SORCS1: variants seen among roughly 807,000 people sequenced by gnomAD.
SORCS1 encodes the protein VPS10 domain-containing receptor SorCS1.
A neutral mutation model predicts 146.1 loss-of-function variants in SORCS1; 60 were observed. That is an observed-to-expected ratio of 0.41 (90% confidence interval 0.33 to 0.51). SORCS1 has a LOEUF of 0.51. Ranked by LOEUF, SORCS1 falls within the 20% of genes least tolerant of loss-of-function variation. The pLI, the probability that SORCS1 is intolerant of heterozygous loss-of-function variation, is 0.21. For missense variants in SORCS1, 1,352 were observed against 1,487.6 expected (o/e 0.91, Z 1.50); for synonymous variants, 637 against 584.0 (o/e 1.09, Z -1.31).
At chr10:106,926,968 A>C (rs886361098) in intron 2 of SORCS1, among the ~76,000 whole-genome samples, 3 of 152,170 alleles carry the variant, frequency 2.0e-5, no homozygotes, top group African/African-American at 7.2e-5. Context: ...AAATAAATAG[A>C]AAGAAAAACA....
intron 2 of SORCS1, among the ~76,000 whole-genome samples, chr10:106,864,863 C>T (rs772179616): frequency 2.6e-5 from 4 of 152,108 alleles, no homozygotes; most frequent in African/African-American, 4.8e-5. Context: ...TCTATGAAAA[C>T]GTGACTAGAC....
chr10:106,929,484 T>C (rs1287893946), intron 2 of SORCS1, among the ~76,000 whole-genome samples: 2 of 152,190 alleles, frequency 1.3e-5, no homozygotes, highest in Non-Finnish European at 2.9e-5. Flanking sequence ...TGGCCTTTTA[T>C]AAAAAGAAAA....
chr10:106,786,262 T>G (rs1193804339), intron 3 of SORCS1, among the ~76,000 whole-genome samples: 1 of 152,224 alleles, frequency 6.6e-6, no homozygotes, highest in Non-Finnish European at 1.5e-5. Flanking sequence ...TGGGAAAAGC[T>G]GAGCTGAGTA....
chr10:106,982,467 CAG>C (rs983076275), intron 1 of SORCS1, among the ~76,000 whole-genome samples: 4 of 152,128 alleles, frequency 2.6e-5, no homozygotes, highest in Admixed American at 2.6e-4. Context: ...GAAATGTAAA[CAG>C]AGAACTGTGC....
intron 2 of SORCS1, among the ~76,000 whole-genome samples, chr10:106,904,434 G>A (rs973603956): frequency 1.3e-5 from 2 of 152,206 alleles, no homozygotes; most frequent in African/African-American, 2.4e-5. Context: ...GTGCCACAGA[G>A]AGGAATGCAT....
chr10:106,922,083 G>A (rs1013834516), intron 2 of SORCS1, among the ~76,000 whole-genome samples: 1 of 152,192 alleles, frequency 6.6e-6, no homozygotes, highest in African/African-American at 2.4e-5. Flanking sequence ...TAAATGGACA[G>A]TCTTATTGAG....
At chr10:106,933,613 C>A (rs2138624596) in intron 2 of SORCS1, among the ~76,000 whole-genome samples, 1 of 152,224 alleles carries the variant, frequency 6.6e-6, no homozygotes, top group Non-Finnish European at 1.5e-5. Context: ...ACAATGATAT[C>A]TGAACAGACA....
Position 107,028,827 on chromosome 10 carries a change from T to C in SORCS1, c.559-72247A>G, listed in dbSNP as rs144984487. Reference sequence around the variant, plus strand: ...TCACTGAAGGGCATCACAGATTGCATATGCTTACTTCTAAATCAAGGAAGA... The same window carrying C: ...TCACTGAAGGGCATCACAGATTGCACATGCTTACTTCTAAATCAAGGAAGA... On this transcript the variant is annotated intron_variant, in intron 1 of 25. Transcript: ENST00000263054. Among the ~76,000 whole-genome samples, 242 of 152,330 alleles carry C rather than the reference T, an allele frequency of 1.6e-3. 2 individuals carry two copies. The highest frequency in any genetic ancestry group is 5.6e-3 in the African/African-American group (232 of 41,586).
chr10:106,650,305 TG>T (rs1404261254), intron 18 of SORCS1, among the ~76,000 whole-genome samples: 1 of 152,212 alleles, frequency 6.6e-6, no homozygotes, highest in Non-Finnish European at 1.5e-5. Context: ...TGTTCTAATT[TG>T]GGTTTGCCTT....
chr10:106,968,202 C>T (rs1010543360), intron 1 of SORCS1, among the ~76,000 whole-genome samples: 19 of 151,082 alleles, frequency 1.3e-4, no homozygotes, highest in Admixed American at 2.0e-4. Context: ...AGCGAGACTT[C>T]GTCTCAAAAA....
Position 106,579,026 on chromosome 10 carries a change from G to A in SORCS1, c.3371+343C>T, listed in dbSNP as rs543988187. On this transcript the variant is annotated intron_variant, in intron 25 of 25. Transcript: ENST00000263054. ...AGTGGTTATGTCAAGCCAGAAAGGG[G>A]TTAGAGAGAGAGTCAGCCATTGCCT... 7.5e-6 allele frequency: 12 copies of A among 1,589,412 alleles called. No homozygotes were observed. In the East Asian group the frequency reaches 2.5e-4, roughly 33 times the overall value.
At chr10:107,179,440 G>C in the SORCS1 span, among the ~76,000 whole-genome samples, 3 of 152,102 alleles carry the variant, frequency 2.0e-5, no homozygotes, top group African/African-American at 4.8e-5. Flanking sequence ...TTATATAACT[G>C]CATCATTTCA....
chr10:107,066,681 T>A (rs1174320935), intron 1 of SORCS1, among the ~76,000 whole-genome samples: 1 of 152,218 alleles, frequency 6.6e-6, no homozygotes, highest in East Asian at 1.9e-4. Flanking sequence ...TTCTATTATT[T>A]TTTTAACACT....
At chr10:106,785,943 G>C (rs1417582564) in intron 3 of SORCS1, among the ~76,000 whole-genome samples, 1 of 152,170 alleles carries the variant, frequency 6.6e-6, no homozygotes, top group East Asian at 1.9e-4. Context: ...AGGTGGAAAA[G>C]GGTCAATGTG....
In SORCS1 at chr10:106,624,364, T is replaced by A. The variant is rs1279768729; in HGVS notation, c.2663-3803A>T. 4.5e-4 allele frequency among the ~76,000 whole-genome samples: 60 copies of A among 134,456 alleles called. 1 individual carries two copies. The highest frequency in any genetic ancestry group is 7.6e-4 in the Non-Finnish European group (48 of 62,868). 88.2% of individuals were successfully genotyped at this position (134,456 alleles called of 152,430 possible). ...AATGACGATTTTTTTTTTTTTTTTTTTTTTTTTTTTTTTTGAGACGGAGTT... is the reference window on the plus strand; with the variant it reads ...AATGACGATTTTTTTTTTTTTTTTTATTTTTTTTTTTTTTGAGACGGAGTT... On this transcript the variant is annotated intron_variant, in intron 19 of 25. Transcript: ENST00000263054.
At chr10:106,734,451 T>A (rs1856812521) in intron 5 of SORCS1, among the ~76,000 whole-genome samples, 1 of 152,218 alleles carries the variant, frequency 6.6e-6, no homozygotes, top group African/African-American at 2.4e-5. Flanking sequence ...TAGGCCATGT[T>A]ATAATTGGTG....
At chr10:106,580,293 C>T (rs1393042726) in intron 24 of SORCS1, among the ~76,000 whole-genome samples, 1 of 152,152 alleles carries the variant, frequency 6.6e-6, no homozygotes, top group East Asian at 1.9e-4. Context: ...ATGCTCCAGC[C>T]TCTCAAACAC....
intron 5 of SORCS1, among the ~76,000 whole-genome samples, chr10:106,737,376 C>T (rs1233517489): frequency 4.6e-5 from 7 of 152,056 alleles, no homozygotes; most frequent in South Asian, 2.1e-4. Context: ...TTTTCTGTTT[C>T]CTTCTTATTT....
At chr10:107,133,135 T>C (rs822325) in intron 1 of SORCS1, among the ~76,000 whole-genome samples, 91,550 of 152,018 alleles carry the variant, frequency 0.6, 27,991 homozygotes, top group African/African-American at 0.69. Flanking sequence ...TTGGTTGAAT[T>C]TTAAATAGAA....
Sources: gnomAD v4.1 joint callset for allele counts (sites outside exome capture counted in the v4.1 genomes callset) on GRCh38, gnomAD v4.1.1 for gene constraint, MANE v1.5 for transcripts, NCBI Gene and HGNC (gene_info 2026-07-23, HGNC 2026-07-21) for gene names.